Variants in GIGYF2 observed in about 807,000 individuals in gnomAD.
GIGYF2 encodes the protein GRB10-interacting GYF protein 2.
GIGYF2 carries 25 observed loss-of-function variants against 208.1 expected under a neutral mutation model. The ratio of observed to expected loss-of-function variants is 0.12; its 90% CI spans 0.09 to 0.17. The LOEUF is 0.17. Ranked by LOEUF, GIGYF2 falls within the 10% of genes least tolerant of loss-of-function variation. The pLI, the probability that GIGYF2 is intolerant of heterozygous loss-of-function variation, is 1.00. For missense variants in GIGYF2, 1,302 were observed against 1,579.4 expected (o/e 0.82, Z 2.98); for synonymous variants, 534 against 543.8 (o/e 0.98, Z 0.25).
chr2:232,846,662 G>A (rs1318754503), intron 26 of GIGYF2, among the ~76,000 whole-genome samples: 3 of 87,112 alleles, frequency 3.4e-5, no homozygotes, highest in Non-Finnish European at 2.4e-5. Context: ...CATGCATTAA[G>A]CACCTACCAT....
chr2:232,743,237 G>A (rs996432589), intron 3 of GIGYF2, among the ~76,000 whole-genome samples: 5 of 152,142 alleles, frequency 3.3e-5, no homozygotes, highest in African/African-American at 1.2e-4. Flanking sequence ...TGACTGAGAA[G>A]CGAGGAAGTA....
intron 2 of GIGYF2, among the ~76,000 whole-genome samples, chr2:232,703,762 A>ATT (rs1695960083): frequency 6.6e-6 from 1 of 152,220 alleles, no homozygotes; most frequent in Non-Finnish European, 1.5e-5. Context: ...GGAGTACTGT[A>ATT]AAGAACCAAA....
chr2:232,748,960 C>T (rs373208479), intron 4 of GIGYF2, 27 bp from the exon 5 acceptor site: 49 of 993,160 alleles, frequency 4.9e-5, no homozygotes, highest in Non-Finnish European at 7.0e-5. Context: ...TAGCATTAAT[C>T]TCATAATCAT....
intron 9 of GIGYF2, 26 bp from the exon 10 acceptor site, chr2:232,790,672 G>C: frequency 6.4e-7 from 1 of 1,573,912 alleles, no homozygotes; most frequent in African/African-American, 1.3e-5. Flanking sequence ...ACTTTTCTAA[G>C]GTTTGTGTCC....
At chr2:232,702,932 A>G (rs1437703441) in intron 1 of GIGYF2, among the ~76,000 whole-genome samples, 3 of 152,144 alleles carry the variant, frequency 2.0e-5, no homozygotes, top group Non-Finnish European at 2.9e-5. Flanking sequence ...AGTAGCTGGG[A>G]CTACAGGCAT....
chr2:232,698,040 TG>T (rs1450514950), intron 1 of GIGYF2, among the ~76,000 whole-genome samples: 9 of 152,162 alleles, frequency 5.9e-5, no homozygotes, highest in Non-Finnish European at 1.2e-4. Context: ...ATGGCAGCCT[TG>T]GGGACCCAAA....
intron 3 of GIGYF2, among the ~76,000 whole-genome samples, chr2:232,740,576 A>G (rs1289071713): frequency 6.6e-6 from 1 of 152,266 alleles, no homozygotes. Context: ...CGCCTTGCCC[A>G]AGAAGAGCTA....
chr2:232,849,228 G>A (rs547012453), intron 27 of GIGYF2, among the ~76,000 whole-genome samples: 46 of 152,162 alleles, frequency 3.0e-4, no homozygotes, highest in African/African-American at 1.1e-3. Context: ...GCAGTAGCGC[G>A]ATCTCAGCTC....
chr2:232,840,509 A>C (rs143041452), intron 23 of GIGYF2, among the ~76,000 whole-genome samples: 6 of 144,894 alleles, frequency 4.1e-5, no homozygotes, highest in African/African-American at 1.3e-4. Context: ...AGTTTGGTTC[A>C]GTATGCCATT....
chr2:232,859,428 G>T lies in GIGYF2; in HGVS notation c.*2568G>T, dbSNP rs1222454056. 2.0e-5 allele frequency: 3 copies of T among 152,296 alleles called. No homozygotes were observed. Among genetic ancestry groups the T allele is most frequent in the Non-Finnish European group, 4.4e-5 (3 of 68,082 alleles). The allele number at this position is 152,296 out of a possible 1,614,324, so 9.4% of individuals were successfully genotyped here. A position where few individuals can be genotyped will look rare whatever the true frequency, so the allele number is the denominator to read the frequency against. ...CTACAGGTGTGTGCCACCATGCCCAGCTCCAGTTTTGTTGGTTGATTTGTT... is the reference window on the plus strand; with the variant it reads ...CTACAGGTGTGTGCCACCATGCCCATCTCCAGTTTTGTTGGTTGATTTGTT... On this transcript the variant is annotated 3_prime_UTR_variant, in exon 29 of 29. Coordinates refer to ENST00000373563, the MANE Select transcript of GIGYF2 (RefSeq NM_001103146.3).
intron 2 of GIGYF2, among the ~76,000 whole-genome samples, chr2:232,719,366 G>A (rs926183951): frequency 3.3e-5 from 5 of 152,122 alleles, no homozygotes; most frequent in Admixed American, 1.3e-4. Context: ...GACTTACTAC[G>A]TAGATTTGTC....
chr2:232,814,454 T>A (rs1344398316), intron 18 of GIGYF2, among the ~76,000 whole-genome samples: 1 of 149,848 alleles, frequency 6.7e-6, no homozygotes, highest in Non-Finnish European at 1.5e-5. Flanking sequence ...TCCCAGCTAC[T>A]CCGGAGGCTG....
chr2:232,737,418 A>G (rs1697779229), intron 3 of GIGYF2, among the ~76,000 whole-genome samples: 1 of 152,174 alleles, frequency 6.6e-6, no homozygotes, highest in Non-Finnish European at 1.5e-5. Flanking sequence ...TGCAGACATT[A>G]GAGCTTAGGA....
intron 27 of GIGYF2, among the ~76,000 whole-genome samples, chr2:232,848,505 G>A (rs888380621): frequency 1.3e-5 from 2 of 152,144 alleles, no homozygotes; most frequent in Admixed American, 6.5e-5. Context: ...ATGGTGGTGT[G>A]CTCCTATAGT....
At chr2:232,843,489 G>C (rs1335783689) in intron 23 of GIGYF2, among the ~76,000 whole-genome samples, 2 of 151,776 alleles carry the variant, frequency 1.3e-5, no homozygotes, top group African/African-American at 2.4e-5. Context: ...CTTGAACCCG[G>C]GAGGCGGAGG....
chr2:232,745,417 C>T (rs1404268214), intron 3 of GIGYF2, among the ~76,000 whole-genome samples: 1 of 151,742 alleles, frequency 6.6e-6, no homozygotes, highest in African/African-American at 2.4e-5. Flanking sequence ...TCAAAAGGAC[C>T]CAGGAGCCAA....
chr2:232,734,498 C>G (rs1027280574), intron 2 of GIGYF2: 4 of 152,156 alleles, frequency 2.6e-5, no homozygotes, highest in Non-Finnish European at 5.9e-5. Context: ...TATGAGCCAC[C>G]TTGCCTGGTG....
chr2:232,785,981 G>A lies in GIGYF2; in HGVS notation c.533-1169G>A, dbSNP rs371033731. Among the ~76,000 whole-genome samples, 5 of 152,200 alleles carry A rather than the reference G, an allele frequency of 3.3e-5. No homozygotes were observed. The East Asian group carries it at 5.8e-4, about 18-fold the overall frequency. ...TCTGGATTTTCAACTATTTTGATGTGAGATTTTATAAATGTTATGAGTTAT... is the reference window on the plus strand; with the variant it reads ...TCTGGATTTTCAACTATTTTGATGTAAGATTTTATAAATGTTATGAGTTAT... On this transcript the variant is annotated intron_variant, in intron 8 of 28. Coordinates refer to ENST00000373563, the MANE Select transcript of GIGYF2 (RefSeq NM_001103146.3).
At chr2:232,800,433 G>A (rs1353137961) in intron 14 of GIGYF2, among the ~76,000 whole-genome samples, 1 of 152,004 alleles carries the variant, frequency 6.6e-6, no homozygotes, top group Non-Finnish European at 1.5e-5. Flanking sequence ...ATTTGACCAT[G>A]TACTCTGGTT....
Sources: allele counts gnomAD v4.1 joint callset (sites outside exome capture counted in the v4.1 genomes callset), GRCh38; gene constraint gnomAD v4.1.1; transcripts MANE v1.5; gene names NCBI Gene and HGNC (gene_info 2026-07-23, HGNC 2026-07-21).